The following NCAM2 variants were observed in gnomAD, a reference collection of about 807,000 sequenced individuals.
The protein encoded by NCAM2 is N-CAM-2.
In NCAM2, 30 loss-of-function variants were observed where a neutral mutation model predicts 98.1. The observed-to-expected ratio is 0.31, with a 90% CI of 0.23 to 0.41. The LOEUF (loss-of-function observed/expected upper bound fraction) is 0.41. NCAM2 is among the 10% of genes least tolerant of loss of function. The pLI is 1.00. For missense variants in NCAM2, 867 were observed against 1,005.8 expected, an observed-to-expected ratio of 0.86 and a Z score of 1.87; for synonymous variants, 368 against 342.4, an observed-to-expected ratio of 1.07 and a Z score of -0.83.
chr21:21,259,271 G>T (rs1201058140), intron 1 of NCAM2, among the ~76,000 whole-genome samples: 2 of 152,118 alleles, frequency 1.3e-5, no homozygotes, highest in Non-Finnish European at 2.9e-5. Flanking sequence ...TCTCTGTGCT[G>T]AGCCCATTTT....
intron 12 of NCAM2, among the ~76,000 whole-genome samples, chr21:21,449,551 A>G (rs1031532366): frequency 6.6e-6 from 1 of 152,066 alleles, no homozygotes; most frequent in East Asian, 1.9e-4. Flanking sequence ...AGCGCATTTT[A>G]GATGACATTT....
At chr21:21,006,564 A>T (rs527589833) in intron 1 of NCAM2, among the ~76,000 whole-genome samples, 4 of 152,112 alleles carry the variant, frequency 2.6e-5, no homozygotes, top group Non-Finnish European at 5.9e-5. Flanking sequence ...CCACTCATTA[A>T]TTTCTTAAGT....
chr21:21,473,373 A>AATATATATATATATATAT (rs57318222), intron 14 of NCAM2, among the ~76,000 whole-genome samples: 193 of 140,438 alleles, frequency 1.4e-3, no homozygotes, highest in African/African-American at 4.8e-3. Flanking sequence ...TATATGTATA[A>AATATATATATATATATAT]ATATATATAT....
intron 12 of NCAM2, among the ~76,000 whole-genome samples, chr21:21,450,997 A>G (rs567471827): frequency 1.3e-4 from 20 of 152,208 alleles, no homozygotes; most frequent in Admixed American, 6.6e-4. Context: ...CCAAGCGTTT[A>G]TATGAGAATT....
chr21:21,517,800 C>T (rs1988796131), intron 16 of NCAM2, among the ~76,000 whole-genome samples: 1 of 151,996 alleles, frequency 6.6e-6, no homozygotes, highest in South Asian at 2.1e-4. Flanking sequence ...GAAGATGGCA[C>T]CAATAGACTC....
intron 1 of NCAM2, among the ~76,000 whole-genome samples, chr21:21,041,465 G>T (rs908925795): frequency 2.0e-5 from 3 of 152,118 alleles, no homozygotes; most frequent in African/African-American, 7.2e-5. Flanking sequence ...AAGAAGAGAT[G>T]GTACAAGAGC....
intron 1 of NCAM2, among the ~76,000 whole-genome samples, chr21:21,186,587 G>T (rs1352548314): frequency 1.3e-5 from 2 of 151,970 alleles, no homozygotes; most frequent in Non-Finnish European, 2.9e-5. Flanking sequence ...TGAACCTCAA[G>T]AAATTAAATC....
chr21:21,202,204 A>C (rs1157985750), intron 1 of NCAM2, among the ~76,000 whole-genome samples: 1 of 152,110 alleles, frequency 6.6e-6, no homozygotes, highest in African/African-American at 2.4e-5. Flanking sequence ...TGTATAAATT[A>C]ATCTGTGCTT....
chr21:21,052,150 A>ATTTTTTTT (rs5842877), intron 1 of NCAM2, among the ~76,000 whole-genome samples: 2 of 74,792 alleles, frequency 2.7e-5, no homozygotes, highest in African/African-American at 1.2e-4. Flanking sequence ...CATGATGGCC[A>ATTTTTTTT]TTTTTTTTTT....
chr21:21,105,055 T>C (rs2066317822), intron 1 of NCAM2, among the ~76,000 whole-genome samples: 1 of 152,062 alleles, frequency 6.6e-6, no homozygotes, highest in South Asian at 2.1e-4. Context: ...TCATTAACCA[T>C]CCTGAGACGG....
At chr21:21,243,040 A>G (rs2071129558) in intron 1 of NCAM2, among the ~76,000 whole-genome samples, 1 of 152,184 alleles carries the variant, frequency 6.6e-6, no homozygotes, top group African/African-American at 2.4e-5. Context: ...GGTTTCATAA[A>G]ATAATTAAAT....
intron 6 of NCAM2, among the ~76,000 whole-genome samples, chr21:21,329,669 A>C (rs2147824776): frequency 6.6e-6 from 1 of 152,196 alleles, no homozygotes; most frequent in Middle Eastern, 3.4e-3. Flanking sequence ...GGGCATTACT[A>C]GTGTCAGAGA....
intron 1 of NCAM2, among the ~76,000 whole-genome samples, chr21:21,004,564 A>T (rs1377522605): frequency 1.3e-5 from 2 of 152,230 alleles, no homozygotes. Context: ...AACAAATAAT[A>T]TAAATTTAAA....
At chr21:21,442,942 C>G (rs35278766) in intron 12 of NCAM2, among the ~76,000 whole-genome samples, 1 of 152,254 alleles carries the variant, frequency 6.6e-6, no homozygotes, top group East Asian at 1.9e-4. Context: ...ATCCCACCCT[C>G]GCCCCTCCTA....
At chr21:21,094,528 T>G (rs2146460677) in intron 1 of NCAM2, among the ~76,000 whole-genome samples, 1 of 151,996 alleles carries the variant, frequency 6.6e-6, no homozygotes, top group Admixed American at 6.6e-5. Flanking sequence ...AAACTATGAT[T>G]TATCTTCTAG....
chr21:21,502,394 C>T (rs959892706), intron 15 of NCAM2, among the ~76,000 whole-genome samples: 1 of 151,848 alleles, frequency 6.6e-6, no homozygotes, highest in South Asian at 2.1e-4. Flanking sequence ...CTTAATTTCA[C>T]TTCATAAGAT....
At chr21:21,331,510 T>TATATACATATATATATATATA (rs1441524860) in intron 6 of NCAM2, among the ~76,000 whole-genome samples, 177 of 1,060 alleles carry the variant, frequency 0.17, 51 homozygotes, top group Non-Finnish European at 0.31. Context: ...CTCTATACTC[T>TATATACATATATATATATATA]CTCTCTCTAT....
At chr21:21,380,542 C>T (rs2076131687) in intron 9 of NCAM2, among the ~76,000 whole-genome samples, 1 of 151,906 alleles carries the variant, frequency 6.6e-6, no homozygotes, top group African/African-American at 2.4e-5. Context: ...TGTGGAAGCT[C>T]CAGAAGGATT....
intron 8 of NCAM2, among the ~76,000 whole-genome samples, chr21:21,339,983 C>T (rs922768793): frequency 7.9e-5 from 12 of 151,338 alleles, no homozygotes; most frequent in African/African-American, 2.9e-4. Flanking sequence ...CTTCTGCAAC[C>T]CAGATAAAAG....
Sources: gnomAD v4.1 joint callset for allele counts (sites outside exome capture counted in the v4.1 genomes callset) on GRCh38, gnomAD v4.1.1 for gene constraint, MANE v1.5 for transcripts, NCBI Gene and HGNC (gene_info 2026-07-23, HGNC 2026-07-21) for gene names.